The following KCNQ5 variants were observed in gnomAD, a reference collection of about 807,000 sequenced individuals.
KCNQ5 encodes potassium voltage-gated channel subfamily Q member 5, also known as potassium voltage-gated channel subfamily KQT member 5.
A neutral mutation model predicts 98.2 loss-of-function variants in KCNQ5; 30 were observed. That is an observed-to-expected ratio of 0.31 (90% CI 0.23 to 0.41). The LOEUF (loss-of-function observed/expected upper bound fraction) is 0.41. Ranked by LOEUF, KCNQ5 falls within the 10% of genes least tolerant of loss-of-function variation. The probability of loss-of-function intolerance (pLI) is 1.00; values close to 1 mark genes in which losing one functional copy is unlikely to be tolerated. For synonymous variants in KCNQ5, 458 were observed against 449.4 expected (o/e 1.02, Z -0.24); for missense variants, 835 against 1,182.5 (o/e 0.71, Z 4.31).
intron 1 of KCNQ5, among the ~76,000 whole-genome samples, chr6:72,833,893 C>G (rs1187101623): frequency 6.6e-6 from 1 of 151,680 alleles, no homozygotes; most frequent in African/African-American, 2.4e-5. Context: ...TTGTTGATAT[C>G]TATAGATCTC....
chr6:72,757,933 T>C (rs1772052997), intron 1 of KCNQ5, among the ~76,000 whole-genome samples: 2 of 152,168 alleles, frequency 1.3e-5, no homozygotes, highest in South Asian at 2.1e-4. Context: ...ATGTGAGAGA[T>C]ATTTATTTGC....
chr6:73,067,863 GATATATATATAT>G (rs71695883), intron 3 of KCNQ5, among the ~76,000 whole-genome samples: 3 of 4,386 alleles, frequency 6.8e-4, no homozygotes, highest in African/African-American at 7.5e-4. Flanking sequence ...TTGGACAAAA[GATATATATATAT>G]ATATATATAT....
chr6:73,067,880 ATATATATATATATATATATATATAT>A (rs767296625), intron 3 of KCNQ5, among the ~76,000 whole-genome samples: 12 of 133,024 alleles, frequency 9.0e-5, no homozygotes, highest in South Asian at 2.2e-4. Flanking sequence ...ATATATATAT[ATATATATATATATATATATATATAT>A]AACTAAAATT....
At chr6:72,811,897 T>C (rs1170850068) in intron 1 of KCNQ5, among the ~76,000 whole-genome samples, 1 of 152,176 alleles carries the variant, frequency 6.6e-6, no homozygotes, top group East Asian at 1.9e-4. Context: ...TGGTTGGCTA[T>C]TTATAGGGTT....
intron 10 of KCNQ5, chr6:73,134,701 C>G (rs1305443807): frequency 6.6e-6 from 1 of 152,458 alleles, no homozygotes; most frequent in East Asian, 1.9e-4. Context: ...AGGGCGACCC[C>G]TAGTGGCTGC....
At chr6:72,639,794 G>T (rs1272707242) in intron 1 of KCNQ5, among the ~76,000 whole-genome samples, 1 of 152,064 alleles carries the variant, frequency 6.6e-6, no homozygotes, top group Non-Finnish European at 1.5e-5. Context: ...GGTAGATTAG[G>T]AATCAACAAA....
At chr6:73,181,383 G>T (rs560959385) in intron 11 of KCNQ5, among the ~76,000 whole-genome samples, 1 of 152,340 alleles carries the variant, frequency 6.6e-6, no homozygotes, top group Admixed American at 6.5e-5. Flanking sequence ...AAGCAGATGA[G>T]TATGTAACTT....
intron 1 of KCNQ5, among the ~76,000 whole-genome samples, chr6:72,669,470 A>G (rs999683168): frequency 7.9e-5 from 12 of 152,196 alleles, no homozygotes; most frequent in African/African-American, 2.7e-4. Context: ...CATCACTGCC[A>G]CAGCTCTGCA....
intron 1 of KCNQ5, among the ~76,000 whole-genome samples, chr6:72,711,039 GA>G: frequency 6.6e-6 from 1 of 152,220 alleles, no homozygotes; most frequent in South Asian, 2.1e-4. Context: ...AAGGATCATG[GA>G]AAATTAGCAA....
chr6:72,981,741 T>C (rs981026029), intron 1 of KCNQ5, among the ~76,000 whole-genome samples: 1 of 152,218 alleles, frequency 6.6e-6, no homozygotes, highest in Non-Finnish European at 1.5e-5. Context: ...CTTCTTTTAA[T>C]TGTGATGTTA....
intron 1 of KCNQ5, among the ~76,000 whole-genome samples, chr6:72,873,014 G>A (rs893417699): frequency 1.3e-5 from 2 of 152,018 alleles, no homozygotes; most frequent in African/African-American, 4.8e-5. Context: ...AAATGAGAGT[G>A]CTCACATTTT....
At chr6:73,157,261 G>A (rs561676507) in intron 10 of KCNQ5, among the ~76,000 whole-genome samples, 131 of 152,338 alleles carry the variant, frequency 8.6e-4, no homozygotes, top group African/African-American at 3.1e-3. Context: ...GGATCTGAGC[G>A]CCTCAGCGAG....
chr6:72,933,531 A>G (rs1765776614), intron 1 of KCNQ5, among the ~76,000 whole-genome samples: 1 of 152,186 alleles, frequency 6.6e-6, no homozygotes, highest in Non-Finnish European at 1.5e-5. Flanking sequence ...TGCTCTGAGT[A>G]CTTATTAATG....
At chr6:72,783,032 C>T (rs1309070834) in intron 1 of KCNQ5, among the ~76,000 whole-genome samples, 1 of 152,044 alleles carries the variant, frequency 6.6e-6, no homozygotes. Context: ...TGGTAGGGGA[C>T]CTAGAGAGAA....
rs527799886 is a variant in KCNQ5 at position 73,106,360 on chromosome 6, A to G, written c.1029+993A>G. ...GGGTACTAGACCTCAGTTTGAATAC[A>G]TCTTTGTCACATACTAACTATATGA... On this transcript the variant is annotated intron_variant, in intron 6 of 13. Transcript: ENST00000370398. Among the ~76,000 whole-genome samples, 7 of 152,302 alleles carry G rather than the reference A, an allele frequency of 4.6e-5. No individual in the cohort carries two copies. In the East Asian group the frequency reaches 5.8e-4, roughly 13 times the overall value.
At chr6:72,680,848 T>G (rs1451569341) in intron 1 of KCNQ5, among the ~76,000 whole-genome samples, 1 of 152,326 alleles carries the variant, frequency 6.6e-6, no homozygotes, top group South Asian at 2.1e-4. Context: ...TTGGCTTTGT[T>G]GGATTAGTCC....
At chr6:72,711,931 A>T (rs1030554324) in intron 1 of KCNQ5, among the ~76,000 whole-genome samples, 5 of 152,188 alleles carry the variant, frequency 3.3e-5, no homozygotes, top group African/African-American at 1.2e-4. Context: ...CCAAGTGGAG[A>T]ATCAGTCAGT....
chr6:72,788,119 G>A (rs76967098), intron 1 of KCNQ5, among the ~76,000 whole-genome samples: 2,428 of 152,228 alleles, frequency 0.016, 66 homozygotes, highest in African/African-American at 0.056. Context: ...ATAAGTGAAC[G>A]GATGAATGAG....
At chr6:72,749,959 T>G (rs2154476524) in intron 1 of KCNQ5, among the ~76,000 whole-genome samples, 1 of 152,266 alleles carries the variant, frequency 6.6e-6, no homozygotes, top group Middle Eastern at 3.4e-3. Context: ...AGCAAAAACC[T>G]TTTTTAAAAC....
Sources: gnomAD v4.1 joint callset for allele counts (sites outside exome capture counted in the v4.1 genomes callset) on GRCh38, gnomAD v4.1.1 for gene constraint, MANE v1.5 for transcripts, NCBI Gene and HGNC (gene_info 2026-07-23, HGNC 2026-07-21) for gene names.